The following BSN variants were observed in gnomAD, a reference collection of about 807,000 sequenced individuals.
The protein encoded by BSN is bassoon presynaptic cytomatrix protein, also known as protein bassoon.
In BSN, 57 loss-of-function variants were observed where a neutral mutation model predicts 264.8. The ratio of observed to expected loss-of-function variants is 0.22; its 90% CI spans 0.17 to 0.27. The LOEUF is 0.27. Among genes scored for constraint, BSN ranks in the 10% least tolerant of loss-of-function variants. The pLI is 1.00. For missense variants in BSN, 4,615 were observed against 5,232.5 expected, an observed-to-expected ratio of 0.88 and a Z score of 3.64; for synonymous variants, 2,059 against 2,137.3, an observed-to-expected ratio of 0.96 and a Z score of 1.01.
chr3:49,594,553 A>G (rs2052006226), intron 1 of BSN, among the ~76,000 whole-genome samples: 1 of 152,238 alleles, frequency 6.6e-6, no homozygotes, highest in Non-Finnish European at 1.5e-5. Context: ...TCCTTCCACC[A>G]GTAGTATACT....
rs779653355 is a variant in BSN, at chr3:49,656,240, C to T, written c.6684C>T (p.Tyr2228=). The T allele has an allele frequency of 1.6e-5, 26 of 1,611,134 alleles. No homozygotes were observed. The highest frequency in any genetic ancestry group is 1.6e-4 in the Middle Eastern group (1 of 6,074). ...TGCGTGGTGGCATGTACAGGCCTTA[C>T]GCATCTGGTGGAATCACAGCCGTGC... is the stretch of plus-strand genomic sequence containing the variant. The part of the protein sequence containing the change: ...PMVRGGMYRP[Y]ASGGITAVPL... Residue 2228 remains tyrosine, a synonymous_variant, in exon 5 of 12, where the codon TAC becomes TAT. Coordinates refer to ENST00000296452, the MANE Select transcript of BSN (RefSeq NM_003458.4).
rs140482705 is a variant in BSN at position 49,662,319 on chromosome 3, C to T, written c.10474C>T (p.Arg3492Trp). ...KPSSLSMAHS[R>W]VRPPMRSQAS... ...CTCATCCCTAAGTATGGCCCACAGC[C>T]GGGTACGACCCCCCATGCGGAGCCA... is the stretch of plus-strand genomic sequence containing the variant. Residue 3492 changes from arginine to tryptophan, a missense_variant, in exon 6 of 12, where the codon CGG becomes TGG. Arg to Trp is a moderately radical substitution (Grantham distance 101, BLOSUM62 -3). Transcript: ENST00000296452. 28 of 1,613,580 alleles carry T rather than the reference C, an allele frequency of 1.7e-5. No individual in the cohort carries two copies. The Admixed American group carries it at 2.2e-4, about 12-fold the overall frequency.
intron 1 of BSN, among the ~76,000 whole-genome samples, chr3:49,622,767 G>A (rs2052315527): frequency 6.6e-6 from 1 of 152,198 alleles, no homozygotes; most frequent in African/African-American, 2.4e-5. Flanking sequence ...CTAGAAATTA[G>A]TATACTGAAA....
In BSN at chr3:49,626,772, C is replaced by T. The variant is rs149083588; in HGVS notation, c.633+1389C>T. On this transcript the variant is annotated intron_variant, in intron 2 of 11. Coordinates refer to ENST00000296452, the MANE Select transcript of BSN (RefSeq NM_003458.4). ...CATGCTGGCCTTGCCCCTCTGGGTT[C>T]CAGCTCCCTTGAGATGCAGCACAGC... Among the ~76,000 whole-genome samples, 96 of 152,334 alleles carry T rather than the reference C, an allele frequency of 6.3e-4. 1 individual carries two copies. In the East Asian group the frequency reaches 0.013, roughly 21 times the overall value.
At chr3:49,664,912 G>A (rs1446242587) in intron 10 of BSN, 59 bp downstream of exon 10, 4 of 1,350,928 alleles carry the variant, frequency 3.0e-6, no homozygotes, top group East Asian at 4.6e-5. Flanking sequence ...CACTGGGGGT[G>A]GGGGTGGGGC....
rs776024415 is a variant in BSN at position 49,663,580 on chromosome 3, C to T, written c.11422C>T (p.Arg3808Trp). 1.0e-5 allele frequency: 16 copies of T among 1,605,780 alleles called. No individual in the cohort carries two copies. The East Asian group carries it at 2.0e-4, about 20-fold the overall frequency. The change falls in exon 7 of 12, where the codon CGG becomes TGG. Residue 3808 changes from arginine to tryptophan, a missense_variant. By Grantham distance (101) the Arg-to-Trp change is moderately radical (BLOSUM62 -3). Around this residue, in one of 3 missense-constraint regions of BSN, gnomAD observed 3,415 missense variants for 3,866.4 expected, o/e 0.88. Coordinates refer to ENST00000296452, the MANE Select transcript of BSN (RefSeq NM_003458.4). ...RLQQQSQPTTRGSAPAASQPA... is the reference protein window; with the variant it reads ...RLQQQSQPTTWGSAPAASQPA... The stretch of plus-strand genomic sequence containing the variant: ...GCAGCAACAGAGCCAGCCAACCACC[C>T]GGGGCTCAGCCCCTGCTGCCAGCCA...
chr3:49,586,130 T>C (rs534483620), intron 1 of BSN, among the ~76,000 whole-genome samples: 32 of 152,294 alleles, frequency 2.1e-4, no homozygotes, highest in African/African-American at 7.0e-4. Flanking sequence ...TCCATTTTTG[T>C]TTTAGTTGCC....
intron 1 of BSN, among the ~76,000 whole-genome samples, chr3:49,573,679 C>T (rs1156678244): frequency 7.1e-5 from 10 of 140,636 alleles, no homozygotes; most frequent in East Asian, 2.1e-4. Context: ...TTTTTTGAGA[C>T]GGAGTTTTGC....
chr3:49,566,700 C>G (rs1045186827), intron 1 of BSN, among the ~76,000 whole-genome samples: 1 of 148,108 alleles, frequency 6.8e-6, no homozygotes, highest in African/African-American at 2.5e-5. Context: ...GTGGGAAGAT[C>G]ACTTGAAACT....
In BSN at chr3:49,652,289, G is replaced by C. The variant is rs932881836; in HGVS notation, c.2733G>C (p.Glu911Asp). 1.8e-5 allele frequency: 28 copies of C among 1,597,348 alleles called. No individual in the cohort carries two copies. Among genetic ancestry groups the C allele is most frequent in the Non-Finnish European group, 2.4e-5 (28 of 1,170,836 alleles). The change falls in exon 5 of 12, where the codon GAG (glutamate) becomes GAC (aspartate). Residue 911 changes from glutamate to aspartate, a missense_variant. Glu to Asp is a conservative substitution (Grantham distance 45). Coordinates refer to ENST00000296452, the MANE Select transcript of BSN (RefSeq NM_003458.4). ...ATTGYEELLPEGGSAEATDGS... is the reference protein window; with the variant it reads ...ATTGYEELLPDGGSAEATDGS... ...CGGGCTATGAGGAGCTGCTCCCTGA[G>C]GGAGGCTCAGCAGAGGCTACCGATG...
At chr3:49,664,694 A>G (rs2052698614) in intron 9 of BSN, 105 bp from the exon 10 acceptor site, 1 of 1,554,868 alleles carries the variant, frequency 6.4e-7, no homozygotes, top group Non-Finnish European at 8.8e-7. Context: ...TCTCCGGGCA[A>G]TCTCTGCCCC....
intron 1 of BSN, among the ~76,000 whole-genome samples, chr3:49,575,199 C>G (rs1217677429): frequency 2.0e-5 from 3 of 151,450 alleles, no homozygotes; most frequent in Non-Finnish European, 4.4e-5. Flanking sequence ...ACTAAAAATA[C>G]AAAAATTAGC....
At chr3:49,665,966 T>TCCTGGC (rs780944112) in intron 11 of BSN, among the ~76,000 whole-genome samples, 3 of 152,238 alleles carry the variant, frequency 2.0e-5, no homozygotes, top group South Asian at 4.1e-4. Flanking sequence ...CTGGAGCCTG[T>TCCTGGC]CCTGGCCCTG....
Position 49,594,608 on chromosome 3 carries a change from A to T in BSN, c.225-30367A>T, listed in dbSNP as rs1245210043. 2.0e-5 allele frequency among the ~76,000 whole-genome samples: 3 copies of T among 152,200 alleles called. 1 individual carries two copies. The highest frequency in any genetic ancestry group is 2.9e-5 in the Non-Finnish European group (2 of 68,030). ...CACAGGAAGTCTTAAATTGGGTAGAATAATTTCTCCCACTTTATTCTTTTT... is the reference window on the plus strand; with the variant it reads ...CACAGGAAGTCTTAAATTGGGTAGATTAATTTCTCCCACTTTATTCTTTTT... On this transcript the variant is annotated intron_variant, in intron 1 of 11. Coordinates refer to ENST00000296452, the MANE Select transcript of BSN (RefSeq NM_003458.4).
chr3:49,574,879 C>T (rs1399455118), intron 1 of BSN, among the ~76,000 whole-genome samples: 1 of 151,800 alleles, frequency 6.6e-6, no homozygotes, highest in South Asian at 2.1e-4. Flanking sequence ...CTCAAGTGAT[C>T]CGCCTGCCTT....
intron 1 of BSN, among the ~76,000 whole-genome samples, chr3:49,591,031 A>G (rs1236955217): frequency 6.6e-6 from 1 of 151,766 alleles, no homozygotes; most frequent in Admixed American, 6.6e-5. Context: ...AGATCACACC[A>G]TTGTACTCCA....
At chr3:49,624,877 G>A in intron 1 of BSN, 98 bp from the exon 2 acceptor site, 1 of 1,124,480 alleles carries the variant, frequency 8.9e-7, no homozygotes, top group South Asian at 1.8e-5. Flanking sequence ...GGAAGAGGGT[G>A]GTGATGGGGC....
Position 49,625,073 on chromosome 3 carries a change from G to T in BSN, c.323G>T (p.Ser108Ile). 3 of 1,606,770 alleles carry T rather than the reference G, an allele frequency of 1.9e-6. No homozygotes were observed. The highest frequency in any genetic ancestry group is 2.5e-6 in the Non-Finnish European group (3 of 1,177,018). ...QASATTPGHE[S>I]PRETRAQGPA... ...TCTGCTACCACTCCTGGCCATGAGA[G>T]CCCCCGAGAGACAAGGGCACAGGGA... The change falls in exon 2 of 12, where the codon AGC becomes ATC. Residue 108 changes from serine to isoleucine, a missense_variant. Around this residue, in one of 3 missense-constraint regions of BSN, gnomAD observed 1,197 missense variants for 1,348.0 expected, o/e 0.89. Coordinates refer to ENST00000296452, the MANE Select transcript of BSN (RefSeq NM_003458.4). This position sits in a 1 kb window ranked among gnomAD's most constrained non-coding sequence, Gnocchi z 4.4.
chr3:49,574,736 A>G (rs1417831343), intron 1 of BSN, among the ~76,000 whole-genome samples: 1 of 149,056 alleles, frequency 6.7e-6, no homozygotes, highest in Non-Finnish European at 1.5e-5. Flanking sequence ...CCTGGGTTCA[A>G]GTGATTCTCT....
Sources: gnomAD v4.1 joint callset for allele counts (sites outside exome capture counted in the v4.1 genomes callset) on GRCh38, gnomAD v4.1.1 for gene constraint, gnomAD v4.1.1 regional missense constraint, Gnocchi (gnomAD v3.1) non-coding constraint, MANE v1.5 for transcripts, NCBI Gene and HGNC (gene_info 2026-07-23, HGNC 2026-07-21) for gene names.